Variants in PDK1 observed in about 807,000 individuals in gnomAD.
PDK1 encodes [Pyruvate dehydrogenase (acetyl-transferring)] kinase isozyme 1, mitochondrial.
Under a neutral mutation model 54.2 loss-of-function variants are expected in PDK1, and 39 were observed. The ratio of observed to expected loss-of-function variants is 0.72; its 90% CI spans 0.56 to 0.94. The LOEUF (loss-of-function observed/expected upper bound fraction) is 0.94, where lower values mean the gene tolerates loss of function less well. Among genes scored for constraint, PDK1 ranks in the 40% least tolerant of loss-of-function variants. The probability of loss-of-function intolerance (pLI) is 0.00; values close to 1 mark genes in which losing one functional copy is unlikely to be tolerated. For synonymous variants in PDK1, 221 were observed against 207.1 expected, an observed-to-expected ratio of 1.07 and a Z score of -0.58; for missense variants, 552 against 566.0, an observed-to-expected ratio of 0.98 and a Z score of 0.25.
At chr2:172,629,252 G>A in the PDK1 span, among the ~76,000 whole-genome samples, 1 of 152,202 alleles carries the variant, frequency 6.6e-6, no homozygotes, top group African/African-American at 2.4e-5. Flanking sequence ...CTAGACCCAT[G>A]GCCCAAAGTG....
intron 9 of PDK1, among the ~76,000 whole-genome samples, chr2:172,592,321 T>C (rs1690635876): frequency 6.6e-6 from 1 of 152,206 alleles, no homozygotes; most frequent in Non-Finnish European, 1.5e-5. Context: ...TTGACTTCTT[T>C]GCCTCTCTCT....
chr2:172,685,089 C>T, the PDK1 span, among the ~76,000 whole-genome samples: 22 of 152,152 alleles, frequency 1.4e-4, no homozygotes, highest in Admixed American at 6.5e-4. Flanking sequence ...CACTTTCTGC[C>T]GTGATTGTAA....
At chr2:172,694,618 G>A in the PDK1 span, among the ~76,000 whole-genome samples, 3 of 152,100 alleles carry the variant, frequency 2.0e-5, no homozygotes, top group Non-Finnish European at 2.9e-5. Flanking sequence ...CTATGAGTGC[G>A]CCCTGTGATG....
the PDK1 span, among the ~76,000 whole-genome samples, chr2:172,644,232 A>T: frequency 1.3e-5 from 2 of 152,242 alleles, no homozygotes; most frequent in African/African-American, 4.8e-5. Context: ...AAAAACTTCA[A>T]GGAATATAAC....
At chr2:172,723,410 T>A in the PDK1 span, 1 of 152,120 alleles carries the variant, frequency 6.6e-6, no homozygotes, top group Non-Finnish European at 1.5e-5. Context: ...TGGGAAAGAG[T>A]AATATATTTT....
downstream of PDK1, among the ~76,000 whole-genome samples, chr2:172,609,627 G>A (rs1395988694): frequency 6.6e-6 from 1 of 152,160 alleles, no homozygotes; most frequent in Non-Finnish European, 1.5e-5. Context: ...AAGGAAATGC[G>A]GACACTAGTT....
chr2:172,722,093 T>A, the PDK1 span, among the ~76,000 whole-genome samples: 1 of 152,374 alleles, frequency 6.6e-6, no homozygotes, highest in African/African-American at 2.4e-5. Flanking sequence ...GTGGCATTCC[T>A]CCATGCTCCT....
the PDK1 span, among the ~76,000 whole-genome samples, chr2:172,695,663 T>C: frequency 6.6e-6 from 1 of 152,168 alleles, no homozygotes; most frequent in African/African-American, 2.4e-5. Flanking sequence ...TCCATCTTAC[T>C]AGGAGACTGC....
chr2:172,710,231 G>A, the PDK1 span, among the ~76,000 whole-genome samples: 5 of 152,146 alleles, frequency 3.3e-5, no homozygotes, highest in South Asian at 1.0e-3. Flanking sequence ...AAATGCAAAG[G>A]GTAACATGTT....
At position 172,558,803 on chromosome 2, in the gene PDK1, C is replaced by T. The variant is rs754235800; in HGVS notation, c.292C>T (p.Pro98Ser). Residue 98 changes from proline to serine, a missense_variant, in exon 2 of 11, where the codon CCA (proline) becomes TCA (serine). Physicochemically the swap from Pro to Ser is moderately conservative, Grantham distance 74. Coordinates refer to ENST00000282077, the MANE Select transcript of PDK1 (RefSeq NM_002610.5). ...TATAATGAAAGAAATAAGTCTCCTT[C>T]CAGATAATCTTCTCAGGACACCATC... is the stretch of plus-strand genomic sequence containing the variant. The part of the protein sequence containing the change: ...ANIMKEISLL[P>S]DNLLRTPSVQ... 6.2e-7 allele frequency: 1 copy of T among 1,611,626 alleles called. No individual in the cohort carries two copies.
chr2:172,619,531 G>C, the PDK1 span, among the ~76,000 whole-genome samples: 24 of 151,346 alleles, frequency 1.6e-4, no homozygotes, highest in Non-Finnish European at 3.2e-4. Context: ...AGAAATTTTA[G>C]AAGCTCTTTC....
chr2:172,637,402 G>T, the PDK1 span, among the ~76,000 whole-genome samples: 1 of 152,028 alleles, frequency 6.6e-6, no homozygotes. Context: ...CTACCAAACA[G>T]CCTCAGTTGG....
At chr2:172,633,391 T>C in the PDK1 span, among the ~76,000 whole-genome samples, 5 of 148,830 alleles carry the variant, frequency 3.4e-5, no homozygotes, top group Admixed American at 2.7e-4. Flanking sequence ...CTTTTTTTTT[T>C]TTTTTTTTTT....
At chr2:172,702,243 G>A in the PDK1 span, among the ~76,000 whole-genome samples, 2 of 152,098 alleles carry the variant, frequency 1.3e-5, no homozygotes, top group East Asian at 3.9e-4. Context: ...TTGGGAGGCC[G>A]AAGCGGGCAG....
the PDK1 span, among the ~76,000 whole-genome samples, chr2:172,664,076 C>T: frequency 1.7e-4 from 25 of 149,812 alleles, no homozygotes; most frequent in African/African-American, 5.6e-4. Context: ...CTTTGGGAGG[C>T]TGAGGAGGGC....
At chr2:172,652,411 G>T in the PDK1 span, among the ~76,000 whole-genome samples, 1 of 152,160 alleles carries the variant, frequency 6.6e-6, no homozygotes, top group African/African-American at 2.4e-5. Flanking sequence ...ACTGGCACAA[G>T]ACAGGGATGC....
the PDK1 span, among the ~76,000 whole-genome samples, chr2:172,618,199 T>C: frequency 3.3e-5 from 5 of 152,210 alleles, no homozygotes; most frequent in African/African-American, 1.2e-4. Flanking sequence ...GTAGGACTTA[T>C]TATACAAAGG....
the PDK1 span, among the ~76,000 whole-genome samples, chr2:172,640,147 G>A: frequency 3.3e-5 from 5 of 152,200 alleles, no homozygotes. Flanking sequence ...CTACTGCCAG[G>A]AAATTTTTTT....
At chr2:172,556,531 G>C (rs1050650686) in intron 1 of PDK1, 185 bp downstream of exon 1, 22 of 456,286 alleles carry the variant, frequency 4.8e-5, no homozygotes, top group Non-Finnish European at 7.9e-5. Flanking sequence ...CTGGCTGGCG[G>C]CGTAAATAAC....
Sources: allele counts gnomAD v4.1 joint callset (sites outside exome capture counted in the v4.1 genomes callset), GRCh38; gene constraint gnomAD v4.1.1; transcripts MANE v1.5; gene names NCBI Gene and HGNC (gene_info 2026-07-23, HGNC 2026-07-21).